The following AMBRA1 variants were observed in gnomAD, a reference collection of about 807,000 sequenced individuals.
The protein encoded by AMBRA1 is autophagy and beclin 1 regulator 1, also known as activating molecule in BECN1-regulated autophagy protein 1.
A neutral mutation model predicts 125.4 loss-of-function variants in AMBRA1; 47 were observed. The ratio of observed to expected loss-of-function variants is 0.37; its 90% confidence interval spans 0.30 to 0.48. AMBRA1 has a LOEUF of 0.48. Among genes scored for constraint, AMBRA1 ranks in the 20% least tolerant of loss-of-function variants. The pLI, the probability that AMBRA1 is intolerant of heterozygous loss-of-function variation, is 0.99. For missense variants in AMBRA1, 1,331 were observed against 1,693.4 expected, an observed-to-expected ratio of 0.79 and a Z score of 3.76; for synonymous variants, 626 against 655.5, an observed-to-expected ratio of 0.95 and a Z score of 0.69.
At chr11:46,419,995 T>TATACACACACACACACACACACACAC (rs1554969494) in intron 14 of AMBRA1, among the ~76,000 whole-genome samples, 3 of 129,018 alleles carry the variant, frequency 2.3e-5, no homozygotes, top group Non-Finnish European at 4.8e-5. Flanking sequence ...GTGTCCTCAA[T>TATACACACACACACACACACACACAC]ACACACACAC....
intron 11 of AMBRA1, among the ~76,000 whole-genome samples, chr11:46,492,012 G>A (rs1455741688): frequency 2.0e-5 from 3 of 152,208 alleles, no homozygotes. Context: ...ACAAAGAAGG[G>A]TGGAGAAGAG....
chr11:46,588,985 G>A (rs1158960608), intron 1 of AMBRA1, among the ~76,000 whole-genome samples: 1 of 152,020 alleles, frequency 6.6e-6, no homozygotes, highest in African/African-American at 2.4e-5. Context: ...TACTCTAAAG[G>A]ACTCTTATAA....
chr11:46,430,060 G>A (rs1947379199), intron 14 of AMBRA1, among the ~76,000 whole-genome samples: 1 of 152,082 alleles, frequency 6.6e-6, no homozygotes, highest in Non-Finnish European at 1.5e-5. Context: ...GGGAGGACTA[G>A]CACGATAAAC....
chr11:46,423,590 A>C (rs897212406), intron 14 of AMBRA1, among the ~76,000 whole-genome samples: 2 of 150,532 alleles, frequency 1.3e-5, no homozygotes, highest in Non-Finnish European at 3.0e-5. Context: ...ACGGGGTTTC[A>C]CCGTATTAGC....
rs921760509 is a variant in AMBRA1 at position 46,410,873 on chromosome 11, C to A, written c.3117-505G>T. On this transcript the variant is annotated intron_variant, in intron 15 of 17. Transcript: ENST00000683756. ...ATCCCAGCACTTTGGGAGGCCGAGGCGGGCAGATCACAAGGTCACAAGATC... is the reference window on the plus strand; with the variant it reads ...ATCCCAGCACTTTGGGAGGCCGAGGAGGGCAGATCACAAGGTCACAAGATC... Among the ~76,000 whole-genome samples, 25 of 152,222 alleles carry A rather than the reference C, an allele frequency of 1.6e-4. No homozygotes were observed. In the East Asian group the frequency reaches 3.1e-3, roughly 19 times the overall value.
At chr11:46,545,161 C>CGGGGGGGGGGGGGG (rs59510298) in intron 5 of AMBRA1, among the ~76,000 whole-genome samples, 3 of 33,752 alleles carry the variant, frequency 8.9e-5, no homozygotes, top group African/African-American at 1.1e-4. Context: ...AAAAAAAAGC[C>CGGGGGGGGGGGGGG]GGGGGGGGGG....
intron 9 of AMBRA1, among the ~76,000 whole-genome samples, chr11:46,495,988 G>T (rs1950616549): frequency 6.6e-6 from 1 of 152,158 alleles, no homozygotes; most frequent in South Asian, 2.1e-4. Context: ...ACAGTGGTGT[G>T]CATCTGTAGT....
chr11:46,400,473 GTTTTTTTTTTTTTTTT>G lies in AMBRA1; in HGVS notation c.3404-2546_3404-2531del, dbSNP rs553040136. 1.7e-3 allele frequency among the ~76,000 whole-genome samples: 84 copies of G among 48,890 alleles called. No individual in the cohort carries two copies. In the East Asian group the frequency reaches 0.019, roughly 11 times the overall value. The allele number at this position is 48,890 out of a possible 152,430, so 32.1% of individuals were successfully genotyped here. On this transcript the variant is annotated intron_variant, in intron 17 of 17. Transcript: ENST00000683756. Reference sequence around the variant, plus strand: ...CCTCATGCTTCTAGTTCTTTCTATAGTTTTTTTTTTTTTTTTTTTTTTTTTTTTTTTTTTTTGAGAC... The same window carrying G: ...CCTCATGCTTCTAGTTCTTTCTATAGTTTTTTTTTTTTTTTTTTTTGAGAC...
chr11:46,517,816 G>C (rs1951568038), intron 7 of AMBRA1, among the ~76,000 whole-genome samples: 1 of 134,156 alleles, frequency 7.5e-6, no homozygotes, highest in Non-Finnish European at 1.5e-5. Flanking sequence ...GGGCAACAGG[G>C]ACAGACTCTG....
chr11:46,534,809 G>A (rs891629781), intron 7 of AMBRA1, among the ~76,000 whole-genome samples: 10 of 152,150 alleles, frequency 6.6e-5, no homozygotes, highest in African/African-American at 1.9e-4. Flanking sequence ...GAGTAGCTGG[G>A]ACTACAGGCA....
intron 11 of AMBRA1, among the ~76,000 whole-genome samples, chr11:46,462,586 C>A (rs1949143495): frequency 6.6e-6 from 1 of 152,102 alleles, no homozygotes; most frequent in South Asian, 2.1e-4. Context: ...CACTGCTCTC[C>A]AGACCCATCA....
At chr11:46,453,383 A>G (rs1251153375) in intron 11 of AMBRA1, among the ~76,000 whole-genome samples, 1 of 151,988 alleles carries the variant, frequency 6.6e-6, no homozygotes. Flanking sequence ...CACCCACCTC[A>G]GCATCCCTAG....
chr11:46,586,400 T>C (rs1327930232), intron 1 of AMBRA1, among the ~76,000 whole-genome samples: 2 of 152,066 alleles, frequency 1.3e-5, no homozygotes, highest in Non-Finnish European at 2.9e-5. Flanking sequence ...CTCCAAAAAA[T>C]AATAAAAAAA....
intron 11 of AMBRA1, among the ~76,000 whole-genome samples, chr11:46,454,682 C>A (rs1302547273): frequency 6.6e-6 from 1 of 151,262 alleles, no homozygotes; most frequent in Non-Finnish European, 1.5e-5. Flanking sequence ...GCCCGGAAGG[C>A]GGAGCTTGCA....
chr11:46,573,036 G>A (rs1388148270), intron 1 of AMBRA1, among the ~76,000 whole-genome samples: 4 of 151,702 alleles, frequency 2.6e-5, no homozygotes, highest in African/African-American at 9.7e-5. Context: ...GGGAGGTGGA[G>A]GTTGGACTGA....
intron 17 of AMBRA1, among the ~76,000 whole-genome samples, chr11:46,405,818 C>A (rs1054392442): frequency 6.6e-6 from 1 of 151,042 alleles, no homozygotes; most frequent in African/African-American, 2.4e-5. Context: ...GCAGTCGCCA[C>A]CTTCCAGGCT....
chr11:46,522,093 A>T (rs1242270992), intron 7 of AMBRA1, among the ~76,000 whole-genome samples: 1 of 152,216 alleles, frequency 6.6e-6, no homozygotes, highest in Non-Finnish European at 1.5e-5. Context: ...AAGAGGCTAG[A>T]AACAGAATGT....
intron 17 of AMBRA1, 52 bp downstream of exon 17, chr11:46,408,461 A>C (rs1946130672): frequency 7.1e-7 from 1 of 1,416,538 alleles, no homozygotes; most frequent in Admixed American, 2.7e-5. Context: ...AGTGGCACTC[A>C]CTCGGTCTTA....
intron 9 of AMBRA1, among the ~76,000 whole-genome samples, chr11:46,497,957 T>C (rs889630592): frequency 1.5e-4 from 23 of 152,250 alleles, no homozygotes; most frequent in African/African-American, 4.8e-4. Flanking sequence ...TAAGTTCCAA[T>C]AGAAGAGCAC....
Sources: gnomAD v4.1 joint callset for allele counts (sites outside exome capture counted in the v4.1 genomes callset) on GRCh38, gnomAD v4.1.1 for gene constraint, MANE v1.5 for transcripts, NCBI Gene and HGNC (gene_info 2026-07-23, HGNC 2026-07-21) for gene names.